F13A1: variants seen among roughly 807,000 people sequenced by gnomAD.
F13A1 encodes coagulation factor XIII A chain, also known as FSF, A subunit.
Under a neutral mutation model 80.1 loss-of-function variants are expected in F13A1, and 47 were observed. The ratio of observed to expected loss-of-function variants is 0.59; its 90% confidence interval spans 0.46 to 0.75. The LOEUF is 0.75. F13A1 is among the 30% of genes least tolerant of loss of function. The pLI is 0.00. For synonymous variants in F13A1, 349 were observed against 344.9 expected (o/e 1.01, Z -0.13); for missense variants, 817 against 930.4 (o/e 0.88, Z 1.59).
intron 3 of F13A1, among the ~76,000 whole-genome samples, chr6:6,280,301 G>C (rs1229857610): frequency 6.6e-6 from 1 of 152,166 alleles, no homozygotes; most frequent in African/African-American, 2.4e-5. Context: ...AGTTTAGACT[G>C]TAATTTAATT....
At chr6:6,301,077 C>G (rs555290251) in intron 3 of F13A1, among the ~76,000 whole-genome samples, 1 of 152,154 alleles carries the variant, frequency 6.6e-6, no homozygotes, top group East Asian at 1.9e-4. Context: ...TTCTAGTTCA[C>G]GTTCTATACT....
chr6:6,216,475 T>G (rs1208468410), intron 8 of F13A1, among the ~76,000 whole-genome samples: 7 of 148,268 alleles, frequency 4.7e-5, no homozygotes, highest in Non-Finnish European at 7.5e-5. Context: ...GCTAGCCATA[T>G]GTAGAAAGCT....
rs750361933 is a variant in F13A1, at chr6:6,305,519, C to T, written c.151G>A (p.Val51Ile). ...NLQEFLNVTS[V>I]HLFKERWDTN... ...TCCCATCTCTCCTTGAACAGGTGAA[C>T]GCTCGTGACATTAAGAAACTCTATG... Residue 51 changes from valine to isoleucine, a missense_variant, in exon 3 of 15, where the codon GTT becomes ATT. Transcript: ENST00000264870. 1.9e-5 allele frequency: 30 copies of T among 1,614,034 alleles called. No individual in the cohort carries two copies. Among genetic ancestry groups the T allele is most frequent in the South Asian group, 6.6e-5 (6 of 91,080 alleles).
intron 12 of F13A1, among the ~76,000 whole-genome samples, chr6:6,172,704 C>T (rs1445138505): frequency 2.0e-5 from 3 of 152,142 alleles, no homozygotes; most frequent in Non-Finnish European, 4.4e-5. Flanking sequence ...GCCTCAGCCT[C>T]CCAAACTGCT....
chr6:6,174,880 C>A lies in F13A1; in HGVS notation c.1460-13G>T, dbSNP rs767750071. 6.2e-7 allele frequency: 1 copy of A among 1,614,098 alleles called. No homozygotes were observed. Among genetic ancestry groups the A allele is most frequent in the Non-Finnish European group, 8.5e-7 (1 of 1,180,018 alleles). On this transcript the variant is annotated splice_polypyrimidine_tract_variant and intron_variant, in intron 11 of 14. Transcript: ENST00000264870. ...TCTTCTTCTTGACCTGGGGGAGATC[C>A]AGAGATAATGACAGGCAAAAATACA...
intron 8 of F13A1, 61 bp from the exon 9 acceptor site, chr6:6,197,387 C>T: frequency 6.6e-7 from 1 of 1,513,366 alleles, no homozygotes; most frequent in Non-Finnish European, 9.2e-7. Context: ...TCCAAGAGAT[C>T]AAGAAGTGAC....
At chr6:6,185,646 A>T (rs1349693292) in intron 10 of F13A1, among the ~76,000 whole-genome samples, 1 of 151,618 alleles carries the variant, frequency 6.6e-6, no homozygotes, top group Non-Finnish European at 1.5e-5. Context: ...GTTGGTTCCA[A>T]GTCTTTGCTA....
chr6:6,157,225 C>T (rs1760492985), intron 13 of F13A1, among the ~76,000 whole-genome samples: 1 of 152,126 alleles, frequency 6.6e-6, no homozygotes, highest in South Asian at 2.1e-4. Flanking sequence ...ATTTAATCTT[C>T]TCTACAGCCC....
chr6:6,159,786 T>TC (rs1458375399), intron 13 of F13A1, among the ~76,000 whole-genome samples: 23 of 152,138 alleles, frequency 1.5e-4, no homozygotes, highest in South Asian at 4.2e-4. Flanking sequence ...CTTGTTGAAG[T>TC]CGATTTCTGT....
In F13A1 at chr6:6,195,826, G is replaced by A; in HGVS notation, c.1276C>T (p.Gln426Ter). 6.2e-7 allele frequency: 1 copy of A among 1,614,186 alleles called. No homozygotes were observed. The highest frequency in any genetic ancestry group is 8.5e-7 in the Non-Finnish European group (1 of 1,180,020). The change falls in exon 10 of 15, where the codon CAA (glutamine) becomes TAA (stop). Residue 426 changes from glutamine to a stop codon, truncating the protein, a stop_gained. Coordinates refer to ENST00000264870, the MANE Select transcript of F13A1 (RefSeq NM_000129.4). LOFTEE classifies it high-confidence loss of function. ...QAIKHGHVCF[Q>*]FDAPFVFAEV... ...GCAAAAACAAAAGGTGCATCAAATT[G>A]GAAGCAGACATGGCCGTGCTTGATG...
chr6:6,212,007 G>C (rs928732760), intron 8 of F13A1, among the ~76,000 whole-genome samples: 1 of 151,784 alleles, frequency 6.6e-6, no homozygotes, highest in Admixed American at 6.5e-5. Context: ...ATTATATCCC[G>C]CACCTGGCTC....
chr6:6,276,013 C>T (rs1197691141), intron 3 of F13A1, among the ~76,000 whole-genome samples: 5 of 152,156 alleles, frequency 3.3e-5, no homozygotes, highest in Non-Finnish European at 5.9e-5. Context: ...CATTCAATTC[C>T]GAAGGACCAG....
chr6:6,252,102 G>T (rs749341361), intron 4 of F13A1, among the ~76,000 whole-genome samples: 45 of 152,054 alleles, frequency 3.0e-4, no homozygotes, highest in Admixed American at 3.9e-4. Flanking sequence ...TGACACCGGG[G>T]GATGGAATCA....
chr6:6,173,314 C>T (rs770815878), intron 12 of F13A1, among the ~76,000 whole-genome samples: 9 of 151,868 alleles, frequency 5.9e-5, no homozygotes, highest in Admixed American at 2.0e-4. Flanking sequence ...CATGCAAGGA[C>T]GAGAAAGAGG....
Position 6,161,151 on chromosome 6 carries a change from C to T in F13A1, c.1908+6307G>A, listed in dbSNP as rs145024542. ...TCCCCTAGGCCTTACTCCAGGATCT[C>T]CAAGGCGGGCCTCCCTGCATGAGGA... On this transcript the variant is annotated intron_variant, in intron 13 of 14. Transcript: ENST00000264870. Among the ~76,000 whole-genome samples, 41 of 152,214 alleles carry T rather than the reference C, an allele frequency of 2.7e-4. No individual in the cohort carries two copies. The East Asian group carries it at 8.0e-3, about 30-fold the overall frequency.
intron 14 of F13A1, 125 bp downstream of exon 14, chr6:6,151,688 C>T (rs1030902557): frequency 1.5e-6 from 2 of 1,355,586 alleles, no homozygotes; most frequent in Non-Finnish European, 1.0e-6. Context: ...AAATGGTCGG[C>T]AAGGAGGAGG....
chr6:6,281,606 T>C (rs1758065724), intron 3 of F13A1, among the ~76,000 whole-genome samples: 1 of 152,236 alleles, frequency 6.6e-6, no homozygotes, highest in African/African-American at 2.4e-5. Context: ...TTATGATATT[T>C]TGTTACAACA....
intron 6 of F13A1, among the ~76,000 whole-genome samples, chr6:6,238,438 T>C (rs1757441038): frequency 6.6e-6 from 1 of 152,120 alleles, no homozygotes; most frequent in Non-Finnish European, 1.5e-5. Flanking sequence ...GTGGCAAACA[T>C]GGGCAAATAG....
At chr6:6,210,481 AC>A in intron 8 of F13A1, among the ~76,000 whole-genome samples, 1 of 23,912 alleles carries the variant, frequency 4.2e-5, no homozygotes, top group Middle Eastern at 0.026. Context: ...AGTAGCTGGG[AC>A]TACAGGCACC....
Sources: allele counts gnomAD v4.1 joint callset (sites outside exome capture counted in the v4.1 genomes callset), GRCh38; gene constraint gnomAD v4.1.1; transcripts MANE v1.5; gene names NCBI Gene and HGNC (gene_info 2026-07-23, HGNC 2026-07-21).